Variants in TATDN2 observed in about 807,000 individuals in gnomAD.
TATDN2 encodes the protein 3'-5' RNA nuclease TATDN2.
Under a neutral mutation model 60.3 loss-of-function variants are expected in TATDN2, and 44 were observed. That is an observed-to-expected ratio of 0.73 (90% CI 0.57 to 0.94). The LOEUF is 0.94. Ranked by LOEUF, TATDN2 falls within the 40% of genes least tolerant of loss-of-function variation. The pLI is 0.00. For missense variants in TATDN2, 997 were observed against 948.0 expected, an observed-to-expected ratio of 1.05 and a Z score of -0.68; for synonymous variants, 399 against 355.8, an observed-to-expected ratio of 1.12 and a Z score of -1.37.
At chr3:10,251,551 G>T (rs1004050536) in intron 2 of TATDN2, among the ~76,000 whole-genome samples, 2 of 151,712 alleles carry the variant, frequency 1.3e-5, no homozygotes. Flanking sequence ...GTGCCCAGCT[G>T]ATCTTTGTAT....
At chr3:10,268,679 G>A (rs766404334) in intron 3 of TATDN2, among the ~76,000 whole-genome samples, 32 of 152,180 alleles carry the variant, frequency 2.1e-4, no homozygotes, top group Admixed American at 5.2e-4. Flanking sequence ...TTAAAAATCT[G>A]TTTTTAAAAT....
intron 5 of TATDN2, among the ~76,000 whole-genome samples, chr3:10,277,386 C>G (rs966431214): frequency 6.6e-6 from 1 of 152,136 alleles, no homozygotes; most frequent in Non-Finnish European, 1.5e-5. Flanking sequence ...CTTCTGCCTA[C>G]ATAGCATGTG....
In TATDN2 at chr3:10,270,974, T is replaced by A; in HGVS notation, c.1792T>A (p.Tyr598Asn). ...GGCATTTGGAGAAATGGGCTTGGAT[T>A]ACTCTTACAAGTGCACCACGCCTGT... ...AVAFGEMGLDYSYKCTTPVPE... is the reference protein window; with the variant it reads ...AVAFGEMGLDNSYKCTTPVPE... The change falls in exon 4 of 8, where the codon TAC becomes AAC. Residue 598 changes from tyrosine to asparagine, a missense_variant. Transcript: ENST00000448281. 1.2e-6 allele frequency: 2 copies of A among 1,610,796 alleles called. No individual in the cohort carries two copies. Among genetic ancestry groups the A allele is most frequent in the Non-Finnish European group, 1.7e-6 (2 of 1,178,736 alleles).
chr3:10,263,296 A>T (rs1194024618), intron 3 of TATDN2, among the ~76,000 whole-genome samples: 1 of 151,790 alleles, frequency 6.6e-6, no homozygotes, highest in Non-Finnish European at 1.5e-5. Flanking sequence ...TTTGCTTAGC[A>T]TGGGACATTC....
chr3:10,252,427 C>G (rs189415723), intron 2 of TATDN2, among the ~76,000 whole-genome samples: 1 of 152,152 alleles, frequency 6.6e-6, no homozygotes, highest in Non-Finnish European at 1.5e-5. Flanking sequence ...TCTAGGACTG[C>G]TGAAGTCTCT....
Position 10,279,397 on chromosome 3 carries a change from G to C in TATDN2, c.*215G>C, listed in dbSNP as rs1698692934. The C allele has an allele frequency of 4.5e-6, 1 of 220,728 alleles. No individual in the cohort carries two copies. The highest frequency in any genetic ancestry group is 2.4e-5 in the African/African-American group (1 of 42,378). The allele number at this position is 220,728 out of a possible 1,614,324, so 13.7% of individuals were successfully genotyped here. ...GGGTGGGGTGGGCATGGAATGAGGGGTATGGGGACTGCCTGTAATAGCACT... is the reference window on the plus strand; with the variant it reads ...GGGTGGGGTGGGCATGGAATGAGGGCTATGGGGACTGCCTGTAATAGCACT... On this transcript the variant is annotated 3_prime_UTR_variant, in exon 8 of 8. Transcript: ENST00000448281.
intron 2 of TATDN2, among the ~76,000 whole-genome samples, chr3:10,254,807 A>G (rs1487506907): frequency 6.6e-6 from 1 of 152,088 alleles, no homozygotes; most frequent in East Asian, 1.9e-4. Context: ...TTCCAGGAAG[A>G]ACGAACTCTC....
At chr3:10,250,755 C>G (rs1161580619) in intron 2 of TATDN2, among the ~76,000 whole-genome samples, 1 of 152,198 alleles carries the variant, frequency 6.6e-6, no homozygotes, top group Non-Finnish European at 1.5e-5. Flanking sequence ...TTGAAAAGCC[C>G]TGTCTCTAGC....
chr3:10,261,738 G>A (rs1698406705), intron 3 of TATDN2, among the ~76,000 whole-genome samples: 1 of 152,104 alleles, frequency 6.6e-6, no homozygotes, highest in South Asian at 2.1e-4. Context: ...CTCATCTTTA[G>A]CTCTTTCTTC....
rs1394745146 is a variant in TATDN2 at position 10,258,893 on chromosome 3, A to G, written c.415-1244A>G. Among the ~76,000 whole-genome samples the G allele has an allele frequency of 2.0e-5, 3 of 150,786 alleles. No homozygotes were observed. In the East Asian group the frequency reaches 5.9e-4, roughly 30 times the overall value. On this transcript the variant is annotated intron_variant, in intron 2 of 7. Transcript: ENST00000448281. The stretch of plus-strand genomic sequence containing the variant: ...AATTTTGCCTTTTTTTTTTTGAGAT[A>G]GGGTCTCACTGTATTGCCTAGGCTG...
In TATDN2 at chr3:10,279,894, A is replaced by G. The variant is rs1237154554; in HGVS notation, c.*712A>G. On this transcript the variant is annotated 3_prime_UTR_variant, in exon 8 of 8. Transcript: ENST00000448281. ...CAGGACAGACTGGGGGACTCCGGGA[A>G]GAGGCTTTCTTGGGGAAGAGGACCC... 3 of 153,752 alleles carry G rather than the reference A, an allele frequency of 2.0e-5. No homozygotes were observed. Among genetic ancestry groups the G allele is most frequent in the Non-Finnish European group, 4.4e-5 (3 of 68,144 alleles). The allele number at this position is 153,752 out of a possible 1,614,324, so 9.5% of individuals were successfully genotyped here.
At chr3:10,253,587 T>C (rs948597067) in intron 2 of TATDN2, among the ~76,000 whole-genome samples, 2 of 152,224 alleles carry the variant, frequency 1.3e-5, no homozygotes, top group Non-Finnish European at 2.9e-5. Context: ...ATTTTTACTA[T>C]GACATCTAAA....
Position 10,270,391 on chromosome 3 carries a change from C to A in TATDN2, c.1209C>A (p.Asn403Lys). ...SSYPSTGSSS[N>K]DAAQVGKSSR... Reference sequence around the variant, plus strand: ...ACCCCTCCACAGGCAGCAGCAGCAACGATGCAGCCCAGGTTGGGAAGAGCA... The same window carrying A: ...ACCCCTCCACAGGCAGCAGCAGCAAAGATGCAGCCCAGGTTGGGAAGAGCA... Residue 403 changes from asparagine (N) to lysine (K), a missense_variant, in exon 4 of 8, where the codon AAC (asparagine) becomes AAA (lysine). Physicochemically the swap from Asn to Lys is moderately conservative, Grantham distance 94. Coordinates refer to ENST00000448281, the MANE Select transcript of TATDN2 (RefSeq NM_014760.4). 1.9e-6 allele frequency: 3 copies of A among 1,614,176 alleles called. No homozygotes were observed. The South Asian group carries it at 3.3e-5, about 18-fold the overall frequency.
At chr3:10,251,169 G>C (rs1559458440) in intron 2 of TATDN2, among the ~76,000 whole-genome samples, 2 of 152,110 alleles carry the variant, frequency 1.3e-5, no homozygotes, top group Non-Finnish European at 2.9e-5. Context: ...CGCACTGTTG[G>C]GTCTGGGAGT....
At chr3:10,250,020 G>A (rs1244166547) in intron 2 of TATDN2, among the ~76,000 whole-genome samples, 14 of 152,134 alleles carry the variant, frequency 9.2e-5, no homozygotes, top group Non-Finnish European at 1.6e-4. Context: ...AGAGAAGAAT[G>A]TATTTATTTT....
In TATDN2 at chr3:10,278,482, G is replaced by A; in HGVS notation, c.2145+20G>A. ...CGCCAGGTAAGGGGGTCTTCAGGCT[G>A]AGTGGAGGCACCGGAGGGAGAGGGT... On this transcript the variant is annotated intron_variant, in intron 6 of 7. Transcript: ENST00000448281. This position sits in a 1 kb window ranked among gnomAD's most constrained non-coding sequence, Gnocchi z 4.7. 1.2e-6 allele frequency: 2 copies of A among 1,605,556 alleles called. No individual in the cohort carries two copies. The highest frequency in any genetic ancestry group is 1.7e-6 in the Non-Finnish European group (2 of 1,173,510).
chr3:10,262,548 T>TTTTG, intron 3 of TATDN2, among the ~76,000 whole-genome samples: 1 of 145,344 alleles, frequency 6.9e-6, no homozygotes, highest in Non-Finnish European at 1.5e-5. Flanking sequence ...TTTTTTTTTT[T>TTTTG]TTTGAGGTGG....
In TATDN2 at chr3:10,260,645, C is replaced by G. The variant is rs61730108; in HGVS notation, c.923C>G (p.Ser308Cys). 7.8e-4 allele frequency: 1,257 copies of G among 1,613,490 alleles called. 1 individual carries two copies. The highest frequency in any genetic ancestry group is 9.8e-4 in the Non-Finnish European group (1,162 of 1,179,734). The change falls in exon 3 of 8, where the codon TCT becomes TGT. Residue 308 changes from serine (S) to cysteine (C), a missense_variant. Transcript: ENST00000448281. ...CCACCCCTAGAGTTCTTGGATGACT[C>G]TGACTCTCATTTAGAAATCCAAAAG... ...CSPPLEFLDD[S>C]DSHLEIQKHK...
At chr3:10,271,379 T>C (rs1307384556) in intron 4 of TATDN2, among the ~76,000 whole-genome samples, 1 of 152,232 alleles carries the variant, frequency 6.6e-6, no homozygotes, top group African/African-American at 2.4e-5. Flanking sequence ...AGTGGTGCGA[T>C]CTCAGCTCGC....
Sources: allele counts gnomAD v4.1 joint callset (sites outside exome capture counted in the v4.1 genomes callset), GRCh38; gene constraint gnomAD v4.1.1; non-coding constraint Gnocchi (gnomAD v3.1); transcripts MANE v1.5; gene names NCBI Gene and HGNC (gene_info 2026-07-23, HGNC 2026-07-21).